Variants in ZNF483 observed in about 807,000 individuals in gnomAD.
ZNF483 encodes zinc finger protein 483, also known as zinc finger protein HIT-10.
A neutral mutation model predicts 28.6 loss-of-function variants in ZNF483; 9 were observed. The ratio of observed to expected loss-of-function variants is 0.32; its 90% CI spans 0.19 to 0.55. The LOEUF is 0.55. Among genes scored for constraint, ZNF483 ranks in the 20% least tolerant of loss-of-function variants. The pLI is 0.93. For synonymous variants in ZNF483, 322 were observed against 306.2 expected (o/e 1.05, Z -0.54); for missense variants, 675 against 871.7 (o/e 0.77, Z 2.84).
chr9:111,529,166 C>A (rs1827256700), intron 2 of ZNF483, among the ~76,000 whole-genome samples: 1 of 151,280 alleles, frequency 6.6e-6, no homozygotes, highest in African/African-American at 2.4e-5. Context: ...TTCTAGGATT[C>A]TGTAGGGTGT....
intron 5 of ZNF483, among the ~76,000 whole-genome samples, chr9:111,561,150 A>AGG (rs1267634039): frequency 2.1e-4 from 5 of 24,000 alleles, no homozygotes; most frequent in Admixed American, 5.6e-4. Context: ...AGAGAGAGGG[A>AGG]GAGAGAGAGA....
At chr9:111,529,608 A>G (rs1490837340) in intron 2 of ZNF483, among the ~76,000 whole-genome samples, 1 of 152,250 alleles carries the variant, frequency 6.6e-6, no homozygotes, top group East Asian at 1.9e-4. Context: ...TTACCTTACT[A>G]CATCTTTTAA....
At chr9:111,572,756 CAA>C (rs58101079) in intron 5 of ZNF483, among the ~76,000 whole-genome samples, 9 of 63,506 alleles carry the variant, frequency 1.4e-4, no homozygotes, top group African/African-American at 6.1e-4. Context: ...GACCCTGTCT[CAA>C]AAAAAAAAAA....
chr9:111,559,584 CCACACACACACACTCA>C (rs1236823761), downstream of ZNF483, among the ~76,000 whole-genome samples: 2 of 151,568 alleles, frequency 1.3e-5, no homozygotes, highest in Non-Finnish European at 2.9e-5. Flanking sequence ...TCACCAGTGT[CCACACACACACACTCA>C]CACACACACA....
intron 5 of ZNF483, chr9:111,563,681 T>G (rs954294346): frequency 3.2e-5 from 5 of 154,810 alleles, no homozygotes; most frequent in African/African-American, 1.2e-4. Flanking sequence ...AATTGTTTTG[T>G]ATTTTTAGTA....
rs904077718 is a variant in ZNF483, at chr9:111,552,874, C to T, written c.*9704C>T. Among the ~76,000 whole-genome samples the T allele has an allele frequency of 3.9e-5, 6 of 151,996 alleles. No homozygotes were observed. Among genetic ancestry groups the T allele is most frequent in the East Asian group, 1.9e-4 (1 of 5,194 alleles). ...CAAAATTGTTTAATGGTTTCATTGA[C>T]GTTTTCAGTTTTCATGAATGTCTTT... is the stretch of plus-strand genomic sequence containing the variant. On this transcript the variant is annotated 3_prime_UTR_variant, in exon 6 of 6. Transcript: ENST00000309235.
At position 111,547,494 on chromosome 9, in the gene ZNF483, T is replaced by C. The variant is rs911022713; in HGVS notation, c.*4324T>C. ...TTTGCCCATTTTTTAATTGGTTTTG[T>C]TGGCGTTGTTGTTTAGTTGTAGAAG... On this transcript the variant is annotated 3_prime_UTR_variant, in exon 6 of 6. Transcript: ENST00000309235. Among the ~76,000 whole-genome samples the C allele has an allele frequency of 6.6e-6, 1 of 151,532 alleles. No individual in the cohort carries two copies. Among genetic ancestry groups the C allele is most frequent in the African/African-American group, 2.5e-5 (1 of 40,816 alleles).
chr9:111,538,097 A>T (rs533931716), intron 5 of ZNF483, among the ~76,000 whole-genome samples: 1 of 152,132 alleles, frequency 6.6e-6, no homozygotes, highest in South Asian at 2.1e-4. Flanking sequence ...TATATATCTT[A>T]AAAATACATG....
Position 111,542,292 on chromosome 9 carries a change from T to G in ZNF483, c.1357T>G (p.Ser453Ala). ...KCGKAFGYSASLTKHRRIHTG... is the reference protein window; with the variant it reads ...KCGKAFGYSAALTKHRRIHTG... ...TGGAAAAGCCTTTGGCTATAGCGCC[T>G]CACTCACCAAACATCGGAGAATTCA... The change falls in exon 6 of 6, where the codon TCA becomes GCA. Residue 453 changes from serine to alanine, a missense_variant. Coordinates refer to ENST00000309235, the MANE Select transcript of ZNF483 (RefSeq NM_133464.5). The surrounding 1 kb of genome is among the most constrained non-coding windows in gnomAD (Gnocchi z 6.2). 6.2e-7 allele frequency: 1 copy of G among 1,614,170 alleles called. No individual in the cohort carries two copies. Among genetic ancestry groups the G allele is most frequent in the Non-Finnish European group, 8.5e-7 (1 of 1,180,030 alleles).
Position 111,526,801 on chromosome 9 carries a change from A to G in ZNF483, c.-128-467A>G, listed in dbSNP as rs115115258. On this transcript the variant is annotated intron_variant, in intron 1 of 5. Transcript: ENST00000309235. ...CCCTTAAGTAGCTCCCTGGTTTTTG[A>G]CTATAAAGAAAATTATGGCTGGGCA... Among the ~76,000 whole-genome samples, 1,317 of 152,196 alleles carry G rather than the reference A, an allele frequency of 8.7e-3. 18 individuals carry two copies. Among genetic ancestry groups the G allele is most frequent in the African/African-American group, 0.03 (1,249 of 41,512 alleles).
rs1827707571 is a variant in ZNF483, at chr9:111,542,796, T to C, written c.1861T>C (p.Ser621Pro). 6.2e-7 allele frequency: 1 copy of C among 1,613,998 alleles called. No homozygotes were observed. The highest frequency in any genetic ancestry group is 8.5e-7 in the Non-Finnish European group (1 of 1,179,990). The change falls in exon 6 of 6, where the codon TCT (serine) becomes CCT (proline). Residue 621 changes from serine (S) to proline (P), a missense_variant. By Grantham distance (74) the Ser-to-Pro change is moderately conservative. Around this residue, in one of 6 missense-constraint regions of ZNF483, gnomAD observed 47 missense variants for 93.5 expected, o/e 0.50. Transcript: ENST00000309235. This position sits in a 1 kb window ranked among gnomAD's most constrained non-coding sequence, Gnocchi z 6.2. The stretch of plus-strand genomic sequence containing the variant: ...CGGAATGACTTTTAGCCATTTTACG[T>C]CTGTGATTTATCATCAAAGACTTCA... ...DCGMTFSHFT[S>P]VIYHQRLHSG...
rs973888769 is a variant in ZNF483 at position 111,555,146 on chromosome 9, G to A, written c.*11976G>A. On this transcript the variant is annotated 3_prime_UTR_variant, in exon 6 of 6. Coordinates refer to ENST00000309235, the MANE Select transcript of ZNF483 (RefSeq NM_133464.5). ...ACTTCCACTTAGTATCCTGTTTTTA[G>A]TCTTCTATCTTATTTCCATCCTCCT... Among the ~76,000 whole-genome samples the A allele has an allele frequency of 6.6e-6, 1 of 152,010 alleles. No individual in the cohort carries two copies. Among genetic ancestry groups the A allele is most frequent in the Admixed American group, 6.6e-5 (1 of 15,254 alleles).
intron 5 of ZNF483, among the ~76,000 whole-genome samples, chr9:111,534,881 G>T (rs1827446849): frequency 6.6e-6 from 1 of 151,896 alleles, no homozygotes; most frequent in African/African-American, 2.4e-5. Flanking sequence ...CTGCCACCAA[G>T]CCTGGCTAAT....
chr9:111,551,144 A>G lies in ZNF483; in HGVS notation c.*7974A>G, dbSNP rs371724423. On this transcript the variant is annotated 3_prime_UTR_variant, in exon 6 of 6. Transcript: ENST00000309235. ...TTAAAAATGTATTTTACTTCACCCA[A>G]TATATCCATAATATTATTTCATCAT... Among the ~76,000 whole-genome samples, 12 of 152,326 alleles carry G rather than the reference A, an allele frequency of 7.9e-5. No homozygotes were observed. The South Asian group carries it at 8.3e-4, about 11-fold the overall frequency.
chr9:111,541,648 A>G lies in ZNF483; in HGVS notation c.722-9A>G. 1.3e-6 allele frequency: 2 copies of G among 1,573,892 alleles called. No individual in the cohort carries two copies. Among genetic ancestry groups the G allele is most frequent in the Non-Finnish European group, 8.6e-7 (1 of 1,165,242 alleles). Reference sequence around the variant, plus strand: ...AAACAGGAAATATTCTATTTCTTATATCTTTTAGATGAATCAGCTTTAGAT... The same window carrying G: ...AAACAGGAAATATTCTATTTCTTATGTCTTTTAGATGAATCAGCTTTAGAT... On this transcript the variant is annotated splice_polypyrimidine_tract_variant and intron_variant, in intron 5 of 5. Coordinates refer to ENST00000309235, the MANE Select transcript of ZNF483 (RefSeq NM_133464.5).
exon 6 of ZNF483, chr9:111,576,671 T>G: frequency 2.5e-6 from 1 of 407,658 alleles, no homozygotes; most frequent in Non-Finnish European, 4.4e-6. Context: ...GTGAGATATG[T>G]GCAAACATGT....
intron 1 of ZNF483, 24 bp downstream of exon 1, chr9:111,525,286 G>C (rs925312018): frequency 1.3e-5 from 2 of 152,300 alleles, no homozygotes; most frequent in African/African-American, 2.4e-5. Context: ...CGGGCCCCGA[G>C]TTTCGGGGCC....
intron 5 of ZNF483, among the ~76,000 whole-genome samples, chr9:111,575,656 G>T (rs1829024073): frequency 6.6e-6 from 1 of 152,208 alleles, no homozygotes; most frequent in Non-Finnish European, 1.5e-5. Flanking sequence ...AGGAAAAATA[G>T]TCCTTTCAAT....
At chr9:111,536,440 G>A (rs1480626184) in intron 5 of ZNF483, among the ~76,000 whole-genome samples, 4 of 152,120 alleles carry the variant, frequency 2.6e-5, no homozygotes, top group East Asian at 1.9e-4. Flanking sequence ...CAGGAGAATC[G>A]CTTGAACCTG....
Sources: allele counts gnomAD v4.1 joint callset (sites outside exome capture counted in the v4.1 genomes callset), GRCh38; gene constraint gnomAD v4.1.1; regional missense constraint gnomAD v4.1.1; non-coding constraint Gnocchi (gnomAD v3.1); transcripts MANE v1.5; gene names NCBI Gene and HGNC (gene_info 2026-07-23, HGNC 2026-07-21).